NCS1: variants seen among roughly 807,000 people sequenced by gnomAD.
NCS1 encodes the protein neuronal calcium sensor 1, also known as frequenin homolog.
A neutral mutation model predicts 28.4 loss-of-function variants in NCS1; 6 were observed. The observed-to-expected ratio is 0.21, with a 90% confidence interval of 0.12 to 0.42. The LOEUF (loss-of-function observed/expected upper bound fraction) is 0.42, where lower values mean the gene tolerates loss of function less well. NCS1 is among the 10% of genes least tolerant of loss of function. The probability of loss-of-function intolerance (pLI) is 1.00; values close to 1 mark genes in which losing one functional copy is unlikely to be tolerated. For synonymous variants in NCS1, 86 were observed against 99.3 expected (o/e 0.87, Z 0.79); for missense variants, 131 against 241.4 (o/e 0.54, Z 3.03).
intron 2 of NCS1, among the ~76,000 whole-genome samples, chr9:130,211,772 G>T (rs1833116066): frequency 6.6e-6 from 1 of 152,166 alleles, no homozygotes; most frequent in African/African-American, 2.4e-5. Context: ...GGCGGTGCAG[G>T]TTTGGAGGTG....
At chr9:130,201,023 C>CTGTGGGCTT in intron 2 of NCS1, 41 bp downstream of exon 2, 2 of 1,613,822 alleles carry the variant, frequency 1.2e-6, no homozygotes, top group African/African-American at 1.3e-5. Context: ...GGGGCTGCGG[C>CTGTGGGCTT]TGTGGGCTTT....
intron 1 of NCS1, chr9:130,200,519 C>A: frequency 6.5e-7 from 1 of 1,534,736 alleles, no homozygotes; most frequent in Non-Finnish European, 8.8e-7. Flanking sequence ...CCTAGCTCCC[C>A]CCACCCCCCC....
At position 130,180,551 on chromosome 9, in the gene NCS1, A is replaced by G. The variant is rs191686090; in HGVS notation, c.64+7824A>G. Among the ~76,000 whole-genome samples, 17 of 152,190 alleles carry G rather than the reference A, an allele frequency of 1.1e-4. No homozygotes were observed. The East Asian group carries it at 3.3e-3, about 29-fold the overall frequency. The stretch of plus-strand genomic sequence containing the variant: ...CGTTGCGGCGTTTCTAGGTAACTTG[A>G]GATTGGGGTCATATTCTGACCAAGG... On this transcript the variant is annotated intron_variant, in intron 1 of 7. Coordinates refer to ENST00000372398, the MANE Select transcript of NCS1 (RefSeq NM_014286.4). The surrounding 1 kb of genome is among the most constrained non-coding windows in gnomAD (Gnocchi z 4.5).
chr9:130,190,302 C>T (rs1367923396), intron 1 of NCS1, among the ~76,000 whole-genome samples: 1 of 152,162 alleles, frequency 6.6e-6, no homozygotes, highest in Non-Finnish European at 1.5e-5. Context: ...AGGTCCAAAT[C>T]GGACAAAAGC....
intron 2 of NCS1, 108 bp downstream of exon 2, chr9:130,201,090 A>C: frequency 4.8e-6 from 7 of 1,473,586 alleles, no homozygotes; most frequent in Non-Finnish European, 5.7e-6. Flanking sequence ...GGGCATGTGG[A>C]GGGGCCCCTG....
intron 1 of NCS1, among the ~76,000 whole-genome samples, chr9:130,174,725 C>T (rs917971237): frequency 1.6e-4 from 22 of 139,970 alleles, no homozygotes; most frequent in Admixed American, 2.4e-4. Flanking sequence ...GCAGGAGAAT[C>T]GCTTGAACCT....
intron 1 of NCS1, among the ~76,000 whole-genome samples, chr9:130,196,851 G>C (rs999465530): frequency 2.6e-5 from 4 of 152,232 alleles, no homozygotes; most frequent in Non-Finnish European, 5.9e-5. Flanking sequence ...TTCCCAGCTG[G>C]CCCAGCGACA....
At chr9:130,189,043 TAGAC>T (rs1323427358) in intron 1 of NCS1, among the ~76,000 whole-genome samples, 8 of 152,180 alleles carry the variant, frequency 5.3e-5, no homozygotes, top group Non-Finnish European at 7.4e-5. Context: ...TTATGACAGA[TAGAC>T]AGCTGTGTGG....
In NCS1 at chr9:130,177,863, C is replaced by A. The variant is rs141154651; in HGVS notation, c.64+5136C>A. 2.6e-5 allele frequency among the ~76,000 whole-genome samples: 4 copies of A among 152,144 alleles called. No individual in the cohort carries two copies. Among genetic ancestry groups the A allele is most frequent in the African/African-American group, 7.2e-5 (3 of 41,434 alleles). The stretch of plus-strand genomic sequence containing the variant: ...CTGGGAGGGAAGGAGGGCTCAGGGG[C>A]GAGTTCTGCGGTTCTGGCCCCTTCC... On this transcript the variant is annotated intron_variant, in intron 1 of 7. Coordinates refer to ENST00000372398, the MANE Select transcript of NCS1 (RefSeq NM_014286.4). This position sits in a 1 kb window ranked among gnomAD's most constrained non-coding sequence, Gnocchi z 4.4.
At chr9:130,198,621 C>T (rs781848384) in intron 1 of NCS1, among the ~76,000 whole-genome samples, 1 of 152,184 alleles carries the variant, frequency 6.6e-6, no homozygotes, top group African/African-American at 2.4e-5. Flanking sequence ...ATTGGGAAAA[C>T]GGGGTCACAC....
At chr9:130,222,849 G>C in intron 5 of NCS1, 111 bp downstream of exon 5, 1 of 1,176,128 alleles carries the variant, frequency 8.5e-7, no homozygotes. Flanking sequence ...GGTGGAAGCA[G>C]GGGTCACTGG....
In NCS1 at chr9:130,201,086, G is replaced by A. The variant is rs1832941577; in HGVS notation, c.89+104G>A. 6 of 1,492,414 alleles carry A rather than the reference G, an allele frequency of 4.0e-6. No individual in the cohort carries two copies. The South Asian group carries it at 6.8e-5, about 17-fold the overall frequency. 92.4% of individuals were successfully genotyped at this position (1,492,414 alleles called of 1,614,324 possible). A position where few individuals can be genotyped will look rare whatever the true frequency, so the allele number is the denominator to read the frequency against. ...GTCCAGCTGCTCAGGATGGGGGCAT[G>A]TGGAGGGGCCCCTGAGCGTGGGGTC... On this transcript the variant is annotated intron_variant, in intron 2 of 7. Transcript: ENST00000372398.
chr9:130,183,133 C>G (rs1832685619), intron 1 of NCS1, among the ~76,000 whole-genome samples: 2 of 152,220 alleles, frequency 1.3e-5, no homozygotes, highest in South Asian at 4.1e-4. Context: ...TCCTGACCTA[C>G]AGTCTGTCGG....
At chr9:130,203,107 T>C (rs1169088399) in intron 2 of NCS1, among the ~76,000 whole-genome samples, 3 of 148,000 alleles carry the variant, frequency 2.0e-5, no homozygotes, top group Admixed American at 7.0e-5. Context: ...TATGTGTGTG[T>C]GTGTGCGTGT....
chr9:130,224,391 C>A (rs76498024), intron 6 of NCS1, among the ~76,000 whole-genome samples: 309 of 96,192 alleles, frequency 3.2e-3, no homozygotes, highest in Admixed American at 4.5e-3. Flanking sequence ...GACGCAGTCT[C>A]AAAAAAAAAA....
At position 130,180,474 on chromosome 9, in the gene NCS1, T is replaced by G. The variant is rs1198173276; in HGVS notation, c.64+7747T>G. 2.0e-5 allele frequency among the ~76,000 whole-genome samples: 3 copies of G among 152,190 alleles called. No individual in the cohort carries two copies. Among genetic ancestry groups the G allele is most frequent in the East Asian group, 3.9e-4 (2 of 5,194 alleles). ...TATGGTCATAACAAGATGAATCAAT[T>G]TTCACATTCTGTGTGTGATCTATTT... On this transcript the variant is annotated intron_variant, in intron 1 of 7. Transcript: ENST00000372398. The surrounding 1 kb of genome is among the most constrained non-coding windows in gnomAD (Gnocchi z 4.5).
intron 1 of NCS1, among the ~76,000 whole-genome samples, chr9:130,196,959 C>A (rs1832884895): frequency 6.6e-6 from 1 of 152,192 alleles, no homozygotes; most frequent in East Asian, 1.9e-4. Context: ...TTTTCTGGAA[C>A]AATCCTCCAA....
chr9:130,203,136 ATTT>A (rs66768750), intron 2 of NCS1, among the ~76,000 whole-genome samples: 23 of 108,448 alleles, frequency 2.1e-4, no homozygotes, highest in East Asian at 3.9e-4. Flanking sequence ...ATATATATAT[ATTT>A]TTTTTTTTTT....
At chr9:130,217,695 A>G (rs1833208827) in intron 2 of NCS1, 137 bp from the exon 3 acceptor site, 1 of 1,289,422 alleles carries the variant, frequency 7.8e-7, no homozygotes, top group Non-Finnish European at 1.1e-6. Context: ...GTGCCTATCA[A>G]GTCCATGGCC....
Sources: gnomAD v4.1 joint callset for allele counts (sites outside exome capture counted in the v4.1 genomes callset) on GRCh38, gnomAD v4.1.1 for gene constraint, Gnocchi (gnomAD v3.1) non-coding constraint, MANE v1.5 for transcripts, NCBI Gene and HGNC (gene_info 2026-07-23, HGNC 2026-07-21) for gene names.